SRGAP2: variants seen among roughly 807,000 people sequenced by gnomAD.
SRGAP2 encodes the protein SLIT-ROBO Rho GTPase-activating protein 2.
Under a neutral mutation model 57.2 loss-of-function variants are expected in SRGAP2, and 15 were observed. The ratio of observed to expected loss-of-function variants is 0.26; its 90% CI spans 0.18 to 0.40. The LOEUF is 0.40. Ranked by LOEUF, SRGAP2 falls within the 10% of genes least tolerant of loss-of-function variation. SRGAP2 has a pLI of 1.00. For synonymous variants in SRGAP2, 249 were observed against 248.0 expected (o/e 1.00, Z -0.04); for missense variants, 520 against 669.6 (o/e 0.78, Z 2.47).
intron 11 of SRGAP2, among the ~76,000 whole-genome samples, chr1:206,418,894 G>A (rs1553363147): frequency 1.9e-5 from 2 of 106,178 alleles, no homozygotes; most frequent in African/African-American, 1.0e-4. Context: ...CTCTCTGTGT[G>A]TGTGTGTGTG....
At chr1:206,327,917 A>G (rs1202515935) in intron 3 of SRGAP2, among the ~76,000 whole-genome samples, 2 of 95,514 alleles carry the variant, frequency 2.1e-5, no homozygotes. Flanking sequence ...CTAACTCGTC[A>G]TCTAGCATTA....
At chr1:206,442,515 T>C (rs1662396661) in intron 17 of SRGAP2, among the ~76,000 whole-genome samples, 1 of 152,166 alleles carries the variant, frequency 6.6e-6, no homozygotes, top group South Asian at 2.1e-4. Flanking sequence ...GGACTATATG[T>C]GACAGTACAG....
At position 206,372,984 on chromosome 1, in the gene SRGAP2, T is replaced by TC. The variant is rs1491045254; in HGVS notation, c.424-11029dup. ...TCTTTCCTTTCTTTCTTTCTTTCTT[T>TC]CTTTCTTTCTTTCTTTCTTTCTTTC... is the stretch of plus-strand genomic sequence containing the variant. On this transcript the variant is annotated intron_variant, in intron 4 of 22. Transcript: ENST00000573034. Among the ~76,000 whole-genome samples, 50 of 96,636 alleles carry TC rather than the reference T, an allele frequency of 5.2e-4. 4 individuals carry two copies. Among genetic ancestry groups the TC allele is most frequent in the African/African-American group, 1.8e-3 (40 of 21,724 alleles). 63.4% of individuals were successfully genotyped at this position (96,636 alleles called of 152,430 possible).
chr1:206,387,184 TTAAGA>T (rs1317583303), intron 5 of SRGAP2, among the ~76,000 whole-genome samples: 1 of 148,864 alleles, frequency 6.7e-6, no homozygotes, highest in Admixed American at 6.7e-5. Context: ...CTTCTGGAGA[TTAAGA>T]TAGGTTTAGG....
At chr1:206,427,146 T>C (rs1037424792) in intron 13 of SRGAP2, among the ~76,000 whole-genome samples, 1 of 152,320 alleles carries the variant, frequency 6.6e-6, no homozygotes, top group African/African-American at 2.4e-5. Context: ...TTTTTCTATA[T>C]GGTGAGAGAT....
chr1:206,428,309 C>T (rs1319580045), intron 13 of SRGAP2, among the ~76,000 whole-genome samples: 5 of 150,422 alleles, frequency 3.3e-5, no homozygotes, highest in South Asian at 2.1e-4. Context: ...CCCAGCTACT[C>T]GGGAAGCTGA....
intron 7 of SRGAP2, 84 bp downstream of exon 7, chr1:206,393,757 A>C: frequency 1.9e-6 from 1 of 529,592 alleles, no homozygotes; most frequent in Non-Finnish European, 3.4e-6. Context: ...ACTATTGTTC[A>C]GGAATCTGGT....
At chr1:206,230,533 A>G (rs1259418989) in intron 2 of SRGAP2, among the ~76,000 whole-genome samples, 6 of 151,052 alleles carry the variant, frequency 4.0e-5, no homozygotes, top group Admixed American at 2.0e-4. Flanking sequence ...TACTCAACAC[A>G]TGATTATGTA....
chr1:206,306,753 C>T (rs1397381862), intron 3 of SRGAP2, among the ~76,000 whole-genome samples: 2 of 152,342 alleles, frequency 1.3e-5, no homozygotes, highest in East Asian at 1.9e-4. Flanking sequence ...CACAGGTTCT[C>T]TAAGGCCCCA....
chr1:206,253,573 C>CTTTTTTTTTTTTTTTTTTTT (rs71264673), intron 2 of SRGAP2, among the ~76,000 whole-genome samples: 1 of 101,664 alleles, frequency 9.8e-6, no homozygotes, highest in Non-Finnish European at 1.9e-5. Context: ...TTCTTTCTTT[C>CTTTTTTTTTTTTTTTTTTTT]TTTTTTTTTT....
At position 206,432,925 on chromosome 1, in the gene SRGAP2, C is replaced by G. The variant is rs569518426; in HGVS notation, c.1555+2703C>G. The stretch of plus-strand genomic sequence containing the variant: ...ACGTGGCTGACTGGGAGCTGTGGCT[C>G]TTTGTTGCCGCCAAGCATTATAAGA... On this transcript the variant is annotated intron_variant, in intron 14 of 22. Coordinates refer to ENST00000573034, the MANE Select transcript of SRGAP2 (RefSeq NM_015326.5). Among the ~76,000 whole-genome samples the G allele has an allele frequency of 8.3e-4, 126 of 152,286 alleles. 2 individuals are homozygous for G. In the Middle Eastern group the frequency reaches 0.014, roughly 16 times the overall value.
chr1:206,418,401 C>T (rs1442350626), intron 11 of SRGAP2, among the ~76,000 whole-genome samples: 2 of 152,198 alleles, frequency 1.3e-5, no homozygotes, highest in East Asian at 3.9e-4. Context: ...AGAAAATGCC[C>T]TGCCCTCCCT....
At chr1:206,436,905 G>T in intron 14 of SRGAP2, 60 bp from the exon 15 acceptor site, 1 of 778,624 alleles carries the variant, frequency 1.3e-6, no homozygotes, top group South Asian at 1.3e-5. Context: ...AACTAAGCTT[G>T]GCACTATGCT....
chr1:206,439,005 T>C (rs78611897), intron 16 of SRGAP2, among the ~76,000 whole-genome samples: 1 of 152,244 alleles, frequency 6.6e-6, no homozygotes, highest in East Asian at 1.9e-4. Flanking sequence ...GTGAGTTATG[T>C]GGGTGATTAA....
intron 16 of SRGAP2, among the ~76,000 whole-genome samples, chr1:206,439,392 T>A (rs1662067252): frequency 6.6e-6 from 1 of 151,822 alleles, no homozygotes; most frequent in African/African-American, 2.4e-5. Context: ...ATAGTGCAGA[T>A]AAGGGAGGGA....
intron 2 of SRGAP2, among the ~76,000 whole-genome samples, chr1:206,226,520 A>C (rs570613845): frequency 6.6e-6 from 1 of 152,168 alleles, no homozygotes; most frequent in African/African-American, 2.4e-5. Flanking sequence ...GGCCCTGGGT[A>C]AGTCTCTAAC....
intron 3 of SRGAP2, among the ~76,000 whole-genome samples, chr1:206,321,676 T>C (rs1673460758): frequency 8.2e-6 from 1 of 122,096 alleles, no homozygotes; most frequent in African/African-American, 3.3e-5. Flanking sequence ...TGTGGACTTG[T>C]GGATTATTAT....
At chr1:206,280,890 G>A (rs1670692799) in intron 2 of SRGAP2, among the ~76,000 whole-genome samples, 1 of 152,048 alleles carries the variant, frequency 6.6e-6, no homozygotes, top group African/African-American at 2.4e-5. Context: ...GAAGGGGAAG[G>A]AAGAGTGGAG....
At chr1:206,253,561 TTTTC>T (rs1390282747) in intron 2 of SRGAP2, among the ~76,000 whole-genome samples, 137 of 144,644 alleles carry the variant, frequency 9.5e-4, no homozygotes, top group African/African-American at 3.3e-3. Flanking sequence ...TTTCTTTCTC[TTTTC>T]TTTCTTTCTT....
Sources: allele counts gnomAD v4.1 joint callset (sites outside exome capture counted in the v4.1 genomes callset), GRCh38; gene constraint gnomAD v4.1.1; transcripts MANE v1.5; gene names NCBI Gene and HGNC (gene_info 2026-07-23, HGNC 2026-07-21).